Variants in DAB1 observed in about 807,000 individuals in gnomAD.
DAB1 encodes DAB adaptor protein 1, also known as disabled homolog 1.
In DAB1, 15 loss-of-function variants were observed where a neutral mutation model predicts 64.6. That is an observed-to-expected ratio of 0.23 (90% CI 0.16 to 0.36). The LOEUF is 0.36. DAB1 is among the 10% of genes least tolerant of loss of function. DAB1 has a pLI of 1.00. For synonymous variants in DAB1, 235 were observed against 251.9 expected (o/e 0.93, Z 0.64); for missense variants, 596 against 706.7 (o/e 0.84, Z 1.78).
intron 5 of DAB1, among the ~76,000 whole-genome samples, chr1:57,919,484 G>A (rs1444818512): frequency 6.6e-6 from 1 of 152,220 alleles, no homozygotes. Context: ...GGCAGTCAGG[G>A]ATGACTTTCC....
At chr1:57,950,474 A>C (rs1645255878) in intron 5 of DAB1, among the ~76,000 whole-genome samples, 1 of 152,092 alleles carries the variant, frequency 6.6e-6, no homozygotes. Flanking sequence ...TCCTCCTAAC[A>C]TTGTCCACAG....
At chr1:57,435,509 A>G (rs1261665021) in intron 7 of DAB1, among the ~76,000 whole-genome samples, 2 of 152,104 alleles carry the variant, frequency 1.3e-5, no homozygotes, top group Non-Finnish European at 2.9e-5. Flanking sequence ...TTATCTTCTT[A>G]GTCTATAAGC....
intron 9 of DAB1, among the ~76,000 whole-genome samples, chr1:57,062,558 T>C (rs1650507387): frequency 6.6e-6 from 1 of 152,188 alleles, no homozygotes; most frequent in Admixed American, 6.5e-5. Flanking sequence ...GAAGAATTAC[T>C]TCTTCTAAAC....
intron 7 of DAB1, among the ~76,000 whole-genome samples, chr1:57,613,787 A>C (rs1243827520): frequency 6.6e-6 from 1 of 152,174 alleles, no homozygotes; most frequent in East Asian, 1.9e-4. Context: ...GCTGGAAGCT[A>C]GGGTGGTACA....
chr1:57,489,610 C>T (rs1644137345), intron 7 of DAB1, among the ~76,000 whole-genome samples: 1 of 152,190 alleles, frequency 6.6e-6, no homozygotes, highest in South Asian at 2.1e-4. Context: ...TTATGTCTAA[C>T]TGATTGTTAT....
At chr1:57,889,895 GGGGC>G (rs1435501224) in intron 5 of DAB1, among the ~76,000 whole-genome samples, 2 of 105,732 alleles carry the variant, frequency 1.9e-5, no homozygotes, top group African/African-American at 8.8e-5. Context: ...AGCACAAACT[GGGGC>G]GGGGGGGGGG....
intron 6 of DAB1, among the ~76,000 whole-genome samples, chr1:57,663,579 T>A (rs1646412307): frequency 1.3e-5 from 2 of 152,204 alleles, no homozygotes; most frequent in South Asian, 4.1e-4. Flanking sequence ...TTACAAATTT[T>A]AAATTGTCTG....
chr1:58,127,642 T>A (rs931216834), intron 5 of DAB1, among the ~76,000 whole-genome samples: 3 of 152,246 alleles, frequency 2.0e-5, no homozygotes, highest in South Asian at 2.1e-4. Context: ...TTGTATAAGG[T>A]GTAAGGAACG....
chr1:57,796,223 C>T (rs1650854109), intron 6 of DAB1, among the ~76,000 whole-genome samples: 1 of 152,024 alleles, frequency 6.6e-6, no homozygotes, highest in East Asian at 1.9e-4. Flanking sequence ...CTCAGTGTCT[C>T]TGATTTAAAA....
intron 5 of DAB1, among the ~76,000 whole-genome samples, chr1:58,044,544 A>G (rs1647198454): frequency 6.6e-6 from 1 of 152,088 alleles, no homozygotes; most frequent in African/African-American, 2.4e-5. Context: ...GACAAAGAGA[A>G]AAGGAGAGGA....
At chr1:57,186,379 T>C (rs1663564785) in intron 2 of DAB1, among the ~76,000 whole-genome samples, 1 of 152,198 alleles carries the variant, frequency 6.6e-6, no homozygotes, top group African/African-American at 2.4e-5. Flanking sequence ...TGTGCTTATT[T>C]ATTCTCACTT....
intron 7 of DAB1, among the ~76,000 whole-genome samples, chr1:57,634,005 C>G (rs951717141): frequency 6.6e-6 from 1 of 152,208 alleles, no homozygotes; most frequent in Non-Finnish European, 1.5e-5. Context: ...TATAAACTTA[C>G]AGTGTGCCAT....
chr1:57,602,773 G>A (rs530086973), intron 7 of DAB1, among the ~76,000 whole-genome samples: 11 of 152,222 alleles, frequency 7.2e-5, no homozygotes, highest in African/African-American at 2.6e-4. Flanking sequence ...TTCTAGATTT[G>A]AATGCTGTGT....
intron 4 of DAB1, among the ~76,000 whole-genome samples, chr1:58,277,528 G>C (rs529108705): frequency 5.3e-5 from 8 of 152,224 alleles, no homozygotes; most frequent in African/African-American, 1.7e-4. Flanking sequence ...CCAACACACA[G>C]AGCTGGCAAG....
chr1:58,497,086 T>C (rs530674949), intron 3 of DAB1, among the ~76,000 whole-genome samples: 2 of 152,250 alleles, frequency 1.3e-5, no homozygotes, highest in African/African-American at 4.8e-5. Context: ...CTATAAAATA[T>C]CCTTCCCAAA....
At chr1:58,371,807 G>A (rs56150615) in intron 3 of DAB1, among the ~76,000 whole-genome samples, 14,183 of 152,222 alleles carry the variant, frequency 0.093, 669 homozygotes, top group Middle Eastern at 0.13. Flanking sequence ...GCTTCAAAGG[G>A]TGCAAGCTCC....
chr1:57,723,872 A>G (rs1323652808), intron 6 of DAB1, among the ~76,000 whole-genome samples: 3 of 152,200 alleles, frequency 2.0e-5, no homozygotes, highest in Admixed American at 6.5e-5. Flanking sequence ...TGAGTGAAGC[A>G]AAAACTATTG....
At chr1:57,935,783 C>T (rs1472817624) in intron 5 of DAB1, among the ~76,000 whole-genome samples, 1 of 152,138 alleles carries the variant, frequency 6.6e-6, no homozygotes, top group Non-Finnish European at 1.5e-5. Context: ...CCTAGATGCC[C>T]TAGACAGATT....
intron 2 of DAB1, among the ~76,000 whole-genome samples, chr1:57,152,361 T>C (rs1483925622): frequency 6.6e-6 from 1 of 152,214 alleles, no homozygotes; most frequent in Non-Finnish European, 1.5e-5. Context: ...TGCCAACAAC[T>C]AATAGGGAAT....
Sources: allele counts gnomAD v4.1 joint callset (sites outside exome capture counted in the v4.1 genomes callset), GRCh38; gene constraint gnomAD v4.1.1; transcripts MANE v1.5; gene names NCBI Gene and HGNC (gene_info 2026-07-23, HGNC 2026-07-21).